The following ARL15 variants were observed in gnomAD, a reference collection of about 807,000 sequenced individuals.
ARL15 encodes the protein ADP-ribosylation factor-like protein 15.
ARL15 carries 19 observed loss-of-function variants against 25.2 expected under a neutral mutation model. The ratio of observed to expected loss-of-function variants is 0.75; its 90% CI spans 0.53 to 1.10. ARL15 has a LOEUF of 1.10. Among genes scored for constraint, ARL15 ranks in the 50% least tolerant of loss-of-function variants. The pLI is 0.00. For synonymous variants in ARL15, 94 were observed against 86.8 expected, an observed-to-expected ratio of 1.08 and a Z score of -0.46; for missense variants, 220 against 246.0, an observed-to-expected ratio of 0.89 and a Z score of 0.71.
intron 2 of ARL15, among the ~76,000 whole-genome samples, chr5:54,167,122 A>C (rs1754596992): frequency 6.6e-6 from 1 of 152,118 alleles, no homozygotes; most frequent in South Asian, 2.1e-4. Flanking sequence ...CATAGTTTTC[A>C]ACCCTGTATG....
At chr5:53,985,369 A>G (rs1748259676) in intron 4 of ARL15, among the ~76,000 whole-genome samples, 1 of 152,222 alleles carries the variant, frequency 6.6e-6, no homozygotes, top group African/African-American at 2.4e-5. Context: ...TATTAAATAC[A>G]TTCATAATGT....
At chr5:54,002,385 G>A (rs185218565) in intron 4 of ARL15, among the ~76,000 whole-genome samples, 1 of 152,314 alleles carries the variant, frequency 6.6e-6, no homozygotes, top group East Asian at 1.9e-4. Context: ...GGAGAATTGA[G>A]AAGAGGAACT....
chr5:53,965,237 A>G (rs1747511450), intron 4 of ARL15, among the ~76,000 whole-genome samples: 1 of 152,208 alleles, frequency 6.6e-6, no homozygotes, highest in Admixed American at 6.5e-5. Context: ...TATTATTAAT[A>G]TCTCCTTTAG....
intron 4 of ARL15, among the ~76,000 whole-genome samples, chr5:54,112,053 T>C (rs1421765791): frequency 6.6e-6 from 1 of 152,182 alleles, no homozygotes; most frequent in Non-Finnish European, 1.5e-5. Flanking sequence ...TGCTACGTAC[T>C]TAATGCTGAA....
At chr5:54,047,053 G>C (rs1750544562) in intron 4 of ARL15, among the ~76,000 whole-genome samples, 1 of 152,204 alleles carries the variant, frequency 6.6e-6, no homozygotes, top group South Asian at 2.1e-4. Flanking sequence ...GGGTCAGTGA[G>C]TTGAAGAGAC....
At chr5:54,164,513 CA>C (rs1242636481) in intron 2 of ARL15, among the ~76,000 whole-genome samples, 1 of 151,956 alleles carries the variant, frequency 6.6e-6, no homozygotes, top group East Asian at 1.9e-4. Flanking sequence ...GCAGTTCTGT[CA>C]TTTTTTTGTT....
At chr5:54,280,565 T>C (rs532088844) in intron 1 of ARL15, among the ~76,000 whole-genome samples, 106 of 152,332 alleles carry the variant, frequency 7.0e-4, no homozygotes, top group African/African-American at 2.5e-3. Context: ...GTAAAGGCTA[T>C]AAAGACAAAC....
chr5:54,281,053 G>A (rs1758049114), intron 1 of ARL15, among the ~76,000 whole-genome samples: 1 of 151,264 alleles, frequency 6.6e-6, no homozygotes, highest in Middle Eastern at 3.2e-3. Flanking sequence ...CATACAAAAA[G>A]TATATAAAGT....
intron 4 of ARL15, among the ~76,000 whole-genome samples, chr5:53,963,506 G>C (rs1747437831): frequency 6.6e-6 from 1 of 152,070 alleles, no homozygotes; most frequent in Admixed American, 6.6e-5. Flanking sequence ...ATATAAAATT[G>C]ACTCTAAAAT....
intron 4 of ARL15, among the ~76,000 whole-genome samples, chr5:54,005,150 C>A (rs548358954): frequency 1.3e-5 from 2 of 152,194 alleles, no homozygotes; most frequent in South Asian, 4.2e-4. Flanking sequence ...CCACGCCCAG[C>A]CCGTGTTTGT....
chr5:53,934,874 C>G (rs1387420388), intron 4 of ARL15, among the ~76,000 whole-genome samples: 1 of 152,200 alleles, frequency 6.6e-6, no homozygotes, highest in African/African-American at 2.4e-5. Flanking sequence ...ATTCAATATT[C>G]AAGCTGGTAA....
intron 4 of ARL15, among the ~76,000 whole-genome samples, chr5:53,968,088 G>A (rs1747622228): frequency 6.6e-6 from 1 of 151,982 alleles, no homozygotes; most frequent in Non-Finnish European, 1.5e-5. Flanking sequence ...AGATGTGAGT[G>A]GCAACTTGGG....
chr5:54,049,810 G>C (rs1437272641), intron 4 of ARL15, among the ~76,000 whole-genome samples: 1 of 151,834 alleles, frequency 6.6e-6, no homozygotes, highest in Non-Finnish European at 1.5e-5. Flanking sequence ...GAACTCAAGT[G>C]ATCTTCCCAC....
chr5:54,152,346 C>T (rs1236825387), intron 3 of ARL15, among the ~76,000 whole-genome samples: 3 of 152,154 alleles, frequency 2.0e-5, no homozygotes, highest in East Asian at 1.9e-4. Flanking sequence ...ACACTTTATA[C>T]AGGTTAGCCT....
chr5:54,006,258 A>G (rs945080783), intron 4 of ARL15, among the ~76,000 whole-genome samples: 2 of 152,058 alleles, frequency 1.3e-5, no homozygotes, highest in Non-Finnish European at 2.9e-5. Context: ...GATATACCCC[A>G]GAAATCATTT....
chr5:54,114,951 T>C (rs1218370777), intron 3 of ARL15, among the ~76,000 whole-genome samples: 1 of 152,216 alleles, frequency 6.6e-6, no homozygotes, highest in African/African-American at 2.4e-5. Flanking sequence ...GCTCCTATGT[T>C]TGACATATTG....
chr5:54,034,932 G>C (rs889883721), intron 4 of ARL15, among the ~76,000 whole-genome samples: 1 of 151,770 alleles, frequency 6.6e-6, no homozygotes, highest in African/African-American at 2.4e-5. Flanking sequence ...GACTCCCAAA[G>C]TGCTGGGATT....
intron 4 of ARL15, among the ~76,000 whole-genome samples, chr5:53,933,882 A>C (rs891900944): frequency 2.6e-5 from 4 of 152,136 alleles, no homozygotes; most frequent in African/African-American, 9.7e-5. Context: ...CCAAGGGCTG[A>C]ATTCAGATTT....
intron 4 of ARL15, among the ~76,000 whole-genome samples, chr5:53,971,628 C>T (rs1439533714): frequency 6.6e-6 from 1 of 151,932 alleles, no homozygotes; most frequent in Non-Finnish European, 1.5e-5. Context: ...AAAGAAGAGC[C>T]TTTCATTACT....
Sources: gnomAD v4.1 joint callset for allele counts (sites outside exome capture counted in the v4.1 genomes callset) on GRCh38, gnomAD v4.1.1 for gene constraint, MANE v1.5 for transcripts, NCBI Gene and HGNC (gene_info 2026-07-23, HGNC 2026-07-21) for gene names.